The following COL23A1 variants were observed in gnomAD, a reference collection of about 807,000 sequenced individuals.
The protein encoded by COL23A1 is collagen type XXIII alpha 1 chain.
In COL23A1, 97 loss-of-function variants were observed where a neutral mutation model predicts 99.3. The ratio of observed to expected loss-of-function variants is 0.98; its 90% CI spans 0.83 to 1.16. The LOEUF is 1.16. COL23A1 is among the 50% of genes most tolerant of loss of function. COL23A1 has a pLI of 0.00. For synonymous variants in COL23A1, 320 were observed against 308.2 expected (o/e 1.04, Z -0.40); for missense variants, 762 against 757.4 (o/e 1.01, Z -0.07).
chr5:178,458,824 G>A (rs148967821), intron 2 of COL23A1, among the ~76,000 whole-genome samples: 50 of 152,266 alleles, frequency 3.3e-4, no homozygotes, highest in Middle Eastern at 6.8e-3. Context: ...CTCCTGTGGG[G>A]CGTGCACCCC....
chr5:178,485,672 C>T (rs1294261327), intron 2 of COL23A1, among the ~76,000 whole-genome samples: 3 of 148,916 alleles, frequency 2.0e-5, no homozygotes, highest in East Asian at 4.0e-4. Context: ...CCCAGCTACT[C>T]GGGAGGCTGA....
At chr5:178,455,327 C>T (rs749280101) in intron 2 of COL23A1, among the ~76,000 whole-genome samples, 1 of 152,152 alleles carries the variant, frequency 6.6e-6, no homozygotes, top group Non-Finnish European at 1.5e-5. Flanking sequence ...TGCAGAGTGA[C>T]AGCTGGGGGC....
intron 9 of COL23A1, among the ~76,000 whole-genome samples, 157 bp downstream of exon 9, chr5:178,263,051 T>C (rs1204645497): frequency 6.6e-6 from 1 of 151,998 alleles, no homozygotes; most frequent in Admixed American, 6.6e-5. Context: ...GGATCTTGGT[T>C]GGAGTTAAGT....
At chr5:178,516,371 C>A (rs139179456) in intron 2 of COL23A1, among the ~76,000 whole-genome samples, 1 of 152,248 alleles carries the variant, frequency 6.6e-6, no homozygotes. Flanking sequence ...CAGATGCCAA[C>A]GTGCCCAAAG....
intron 3 of COL23A1, among the ~76,000 whole-genome samples, chr5:178,304,988 G>A (rs1472067285): frequency 6.6e-6 from 1 of 152,196 alleles, no homozygotes; most frequent in Non-Finnish European, 1.5e-5. Flanking sequence ...GGATTTTGGA[G>A]TAAGCTGAAT....
At chr5:178,478,732 A>G (rs1035627893) in intron 2 of COL23A1, among the ~76,000 whole-genome samples, 1 of 152,180 alleles carries the variant, frequency 6.6e-6, no homozygotes, top group African/African-American at 2.4e-5. Context: ...CTTTGATGCC[A>G]GATATTCTTG....
At chr5:178,580,705 G>A (rs1763621558) in intron 1 of COL23A1, among the ~76,000 whole-genome samples, 1 of 152,214 alleles carries the variant, frequency 6.6e-6, no homozygotes, top group African/African-American at 2.4e-5. Flanking sequence ...ACGGTGCCTG[G>A]CACCACTAAA....
intron 20 of COL23A1, 29 bp from the exon 21 acceptor site, chr5:178,247,860 C>G (rs760743937): frequency 6.3e-7 from 1 of 1,598,806 alleles, no homozygotes; most frequent in Non-Finnish European, 8.5e-7. Context: ...AGGTTAGTCA[C>G]CCACCGCCTG....
chr5:178,371,287 C>A (rs1405156240), intron 2 of COL23A1, among the ~76,000 whole-genome samples: 1 of 152,208 alleles, frequency 6.6e-6, no homozygotes, highest in Non-Finnish European at 1.5e-5. Flanking sequence ...TGGGTTCGAC[C>A]AGTGTCACCA....
chr5:178,508,363 T>C (rs1435574203), intron 2 of COL23A1, among the ~76,000 whole-genome samples: 4 of 152,258 alleles, frequency 2.6e-5, no homozygotes, highest in African/African-American at 9.6e-5. Flanking sequence ...TGGTGTGTGC[T>C]GTTTTTCTTT....
At position 178,390,789 on chromosome 5, in the gene COL23A1, G is replaced by A. The variant is rs797006663; in HGVS notation, c.362-83870C>T. On this transcript the variant is annotated intron_variant, in intron 2 of 28. Coordinates refer to ENST00000390654, the MANE Select transcript of COL23A1 (RefSeq NM_173465.4). ...CCATATGTAGAAATTAACTCCAGGT[G>A]GATCAGACTTACATGTAAGACTTAA... Among the ~76,000 whole-genome samples, 7 of 152,300 alleles carry A rather than the reference G, an allele frequency of 4.6e-5. 1 individual carries two copies. Among genetic ancestry groups the A allele is most frequent in the African/African-American group, 1.7e-4 (7 of 41,550 alleles).
At chr5:178,267,478 A>G (rs1755970552) in intron 7 of COL23A1, 145 bp from the exon 8 acceptor site, 3 of 794,852 alleles carry the variant, frequency 3.8e-6, no homozygotes, top group Non-Finnish European at 6.0e-6. Context: ...TTTTATTTCC[A>G]TTTCCAACGA....
chr5:178,241,322 CACAGAAAGAGGT>C (rs1561779206), intron 27 of COL23A1, among the ~76,000 whole-genome samples: 1 of 151,958 alleles, frequency 6.6e-6, no homozygotes, highest in East Asian at 1.9e-4. Context: ...ACTGAGAGAG[CACAGAAAGAGGT>C]ACAGGAAGGG....
At chr5:178,296,182 G>A (rs1757730615) in intron 3 of COL23A1, among the ~76,000 whole-genome samples, 1 of 152,200 alleles carries the variant, frequency 6.6e-6, no homozygotes, top group African/African-American at 2.4e-5. Context: ...GCTCAGGCTG[G>A]GATTATTATT....
At chr5:178,444,623 C>T (rs10072429) in intron 2 of COL23A1, among the ~76,000 whole-genome samples, 4,068 of 152,052 alleles carry the variant, frequency 0.027, 172 homozygotes, top group African/African-American at 0.089. Context: ...GGTGAAAAGC[C>T]GTCTCTACTA....
intron 2 of COL23A1, among the ~76,000 whole-genome samples, chr5:178,481,192 G>C (rs182849555): frequency 1.3e-5 from 2 of 149,486 alleles, no homozygotes; most frequent in Non-Finnish European, 3.0e-5. Flanking sequence ...CCTCAGAGTT[G>C]TGAAGGAAAG....
Position 178,500,642 on chromosome 5 carries a change from A to T in COL23A1, c.361+60040T>A, listed in dbSNP as rs565713653. On this transcript the variant is annotated intron_variant, in intron 2 of 28. Transcript: ENST00000390654. ...AAAACAAAAAACAACAAAACCCAGAAAAAGAAAAAAAAAAAAAAGAAATTG... is the reference window on the plus strand; with the variant it reads ...AAAACAAAAAACAACAAAACCCAGATAAAGAAAAAAAAAAAAAAGAAATTG... Among the ~76,000 whole-genome samples, 14 of 151,376 alleles carry T rather than the reference A, an allele frequency of 9.2e-5. No individual in the cohort carries two copies. The South Asian group carries it at 2.5e-3, about 27-fold the overall frequency.
rs80083329 is a variant in COL23A1 at position 178,358,648 on chromosome 5, A to G, written c.362-51729T>C. 9.4e-4 allele frequency among the ~76,000 whole-genome samples: 127 copies of G among 135,404 alleles called. 1 individual carries two copies. The East Asian group carries it at 0.014, about 15-fold the overall frequency. The allele number at this position is 135,404 out of a possible 152,430, so 88.8% of individuals were successfully genotyped here. On this transcript the variant is annotated intron_variant, in intron 2 of 28. Transcript: ENST00000390654. ...GTGTATGTGTCTAGTGTGTGTGTGT[A>G]TGTGTACGTGTGTATGTGTCTAATG...
chr5:178,453,277 A>G (rs12652427), intron 2 of COL23A1, among the ~76,000 whole-genome samples: 69,958 of 152,120 alleles, frequency 0.46, 18,313 homozygotes, highest in African/African-American at 0.72. Context: ...GGAAGAGAAC[A>G]GGACATCTGG....
Sources: gnomAD v4.1 joint callset for allele counts (sites outside exome capture counted in the v4.1 genomes callset) on GRCh38, gnomAD v4.1.1 for gene constraint, MANE v1.5 for transcripts, NCBI Gene and HGNC (gene_info 2026-07-23, HGNC 2026-07-21) for gene names.